The following RPP38 variants were observed in gnomAD, a reference collection of about 807,000 sequenced individuals.
RPP38 encodes ribonuclease P/MRP subunit p38.
A neutral mutation model predicts 1.7 loss-of-function variants in RPP38; 2 were observed. That is an observed-to-expected ratio of 1.18 (90% CI 0.48 to 3.70). The LOEUF (loss-of-function observed/expected upper bound fraction) is 3.70, where lower values mean the gene tolerates loss of function less well. Among genes scored for constraint, RPP38 ranks in the 30% most tolerant of loss-of-function variants. RPP38 has a pLI of 0.07. For missense variants in RPP38, 358 were observed against 340.1 expected (o/e 1.05, Z -0.41); for synonymous variants, 151 against 131.8 (o/e 1.15, Z -1.00).
Position 15,104,107 on chromosome 10 carries a change from A to T in RPP38, c.793A>T (p.Ile265Phe). 6.3e-7 allele frequency: 1 copy of T among 1,596,142 alleles called. No individual in the cohort carries two copies. The highest frequency in any genetic ancestry group is 8.5e-7 in the Non-Finnish European group (1 of 1,175,582). Residue 265 changes from isoleucine (I) to phenylalanine (F), a missense_variant, in exon 3 of 3, where the codon ATT becomes TTT. Transcript: ENST00000378197. ...ACAACCCCTTAAAATAAAGAAACTG[A>T]TTCCAAACCCTAATAAGATAAGGAA... ...TLQPLKIKKL[I>F]PNPNKIRKPP...
In RPP38 at chr10:15,097,563, C is replaced by G. The variant is rs992805689; in HGVS notation, c.-333C>G. 3.9e-5 allele frequency: 6 copies of G among 152,280 alleles called. No individual in the cohort carries two copies. The highest frequency in any genetic ancestry group is 1.2e-4 in the African/African-American group (5 of 41,472). 9.4% of individuals were successfully genotyped at this position (152,280 alleles called of 1,614,324 possible). On this transcript the variant is annotated 5_prime_UTR_variant, in exon 1 of 3. Coordinates refer to ENST00000378197, the MANE Select transcript of RPP38 (RefSeq NM_183005.5). ...GTGGCCGCAGGACCCGCCGCCCTCC[C>G]GGTTGGGCCGCCCAGTCCCGGGCCG...
rs375720494 is a variant in RPP38 at position 15,103,778 on chromosome 10, G to T, written c.464G>T (p.Ser155Ile). Residue 155 changes from serine (S) to isoleucine (I), a missense_variant, in exon 3 of 3, where the codon AGT (serine) becomes ATT (isoleucine). Ser to Ile is a moderately radical substitution (Grantham distance 142). Transcript: ENST00000378197. The part of the protein sequence containing the change: ...SHLIQLSLSR[S>I]VPACQVPRLS... ...TTGATTCAGTTAAGCCTAAGCAGAA[G>T]TGTCCCTGCCTGTCAGGTCCCCCGG... 1 of 1,614,018 alleles carries T rather than the reference G, an allele frequency of 6.2e-7. No homozygotes were observed. The highest frequency in any genetic ancestry group is 2.2e-5 in the East Asian group (1 of 44,878).
intron 2 of RPP38, chr10:15,102,862 TTA>T (rs1181937389): frequency 6.5e-6 from 1 of 153,136 alleles, no homozygotes; most frequent in Non-Finnish European, 1.5e-5. Context: ...CTAATTGGAC[TTA>T]TATAATCAGG....
Position 15,100,865 on chromosome 10 carries a change from T to G in RPP38, c.-129-1353T>G, listed in dbSNP as rs539297633. The stretch of plus-strand genomic sequence containing the variant: ...TGGCTAATTTTTTTGTATTTTTTAG[T>G]AGAGACGGGATTTCGCCATATTGGC... On this transcript the variant is annotated intron_variant, in intron 1 of 2. Transcript: ENST00000378197. Among the ~76,000 whole-genome samples the G allele has an allele frequency of 1.2e-4, 19 of 152,280 alleles. No individual in the cohort carries two copies. The South Asian group carries it at 3.1e-3, about 25-fold the overall frequency.
Position 15,103,390 on chromosome 10 carries a change from AACAACCCAT to A in RPP38, c.80_88del (p.Asn27_Tyr29del). 1 of 1,613,920 alleles carries A rather than the reference AACAACCCAT, an allele frequency of 6.2e-7. No individual in the cohort carries two copies. The highest frequency in any genetic ancestry group is 8.5e-7 in the Non-Finnish European group (1 of 1,179,942). ...ACCTCTGGTTGTGAAGACGTCGTTG[AACAACCCAT>A]ACATCATCCGCTGGAGCGCTCTGGA... On this transcript the variant is annotated inframe_deletion, in exon 3 of 3. Coordinates refer to ENST00000378197, the MANE Select transcript of RPP38 (RefSeq NM_183005.5).
chr10:15,102,233 T>C lies in RPP38; in HGVS notation c.-114T>C, dbSNP rs1302113770. The C allele has an allele frequency of 2.0e-5, 3 of 150,212 alleles. No individual in the cohort carries two copies. The highest frequency in any genetic ancestry group is 7.4e-5 in the African/African-American group (3 of 40,484). 9.3% of individuals were successfully genotyped at this position (150,212 alleles called of 1,614,324 possible). A position where few individuals can be genotyped will look rare whatever the true frequency, so the allele number is the denominator to read the frequency against. On this transcript the variant is annotated 5_prime_UTR_variant, in exon 2 of 3. Transcript: ENST00000378197. ...TTTTTTGCAGACAGGGTCAGATGTG[T>C]TACTGGGCTGGAGTGTGGTGGCACA...
chr10:15,098,548 C>A (rs1845018167), intron 1 of RPP38, among the ~76,000 whole-genome samples: 1 of 150,908 alleles, frequency 6.6e-6, no homozygotes, highest in Admixed American at 6.6e-5. Context: ...ACTGAGATAC[C>A]TTTCTTTACT....
In RPP38 at chr10:15,103,320, T is replaced by G. The variant is rs1845175181; in HGVS notation, c.6T>G (p.Ala2=). M[A]AAPQAPGRGS... is the part of the protein sequence containing the mutation. ...TTCTTGGAAGGATTTTCAAAATGGCTGCAGCTCCTCAAGCACCGGGGCGGG... is the reference window on the plus strand; with the variant it reads ...TTCTTGGAAGGATTTTCAAAATGGCGGCAGCTCCTCAAGCACCGGGGCGGG... Residue 2 remains alanine (A), a synonymous_variant, in exon 3 of 3, where the codon GCT becomes GCG. Transcript: ENST00000378197. 6 of 1,567,298 alleles carry G rather than the reference T, an allele frequency of 3.8e-6. No homozygotes were observed. The African/African-American group carries it at 5.5e-5, about 14-fold the overall frequency.
At chr10:15,099,035 T>A (rs1201807290) in intron 1 of RPP38, among the ~76,000 whole-genome samples, 3 of 145,888 alleles carry the variant, frequency 2.1e-5, no homozygotes, top group Admixed American at 2.0e-4. Context: ...CTTGCTAATA[T>A]TTTTTCCTCG....
In RPP38 at chr10:15,103,852, T is replaced by G. The variant is rs752628175; in HGVS notation, c.538T>G (p.Leu180Val). Residue 180 changes from leucine to valine, a missense_variant, in exon 3 of 3, where the codon TTG becomes GTG. Coordinates refer to ENST00000378197, the MANE Select transcript of RPP38 (RefSeq NM_183005.5). The part of the protein sequence containing the change: ...PVIGLKCVLA[L>V]AFKKNTTDFV... ...CATTGGCTTAAAATGTGTTCTAGCC[T>G]TGGCGTTCAAAAAGAACACCACTGA... is the stretch of plus-strand genomic sequence containing the variant. 1.2e-6 allele frequency: 2 copies of G among 1,614,142 alleles called. No homozygotes were observed. The highest frequency in any genetic ancestry group is 2.2e-5 in the East Asian group (1 of 44,880).
intron 1 of RPP38, among the ~76,000 whole-genome samples, chr10:15,098,759 G>T (rs1845025467): frequency 6.6e-6 from 1 of 151,472 alleles, no homozygotes; most frequent in Non-Finnish European, 1.5e-5. Flanking sequence ...GATGGCCCGT[G>T]CCTGTAGTCC....
At position 15,100,637 on chromosome 10, in the gene RPP38, A is replaced by G. The variant is rs74545775; in HGVS notation, c.-129-1581A>G. ...GTCCAGTGTGGAAACACCCTGTCCTACACCAGTGGTTCCTGATTCCGGCTC... is the reference window on the plus strand; with the variant it reads ...GTCCAGTGTGGAAACACCCTGTCCTGCACCAGTGGTTCCTGATTCCGGCTC... On this transcript the variant is annotated intron_variant, in intron 1 of 2. Coordinates refer to ENST00000378197, the MANE Select transcript of RPP38 (RefSeq NM_183005.5). Among the ~76,000 whole-genome samples, 550 of 151,340 alleles carry G rather than the reference A, an allele frequency of 3.6e-3. 4 individuals carry two copies. The highest frequency in any genetic ancestry group is 0.012 in the African/African-American group (484 of 41,208).
chr10:15,101,750 C>T (rs149191930), intron 1 of RPP38, among the ~76,000 whole-genome samples: 3,100 of 152,104 alleles, frequency 0.02, 59 homozygotes, highest in Middle Eastern at 0.065. Context: ...ATTAGCCAGG[C>T]GTGGTGTTGG....
In RPP38 at chr10:15,103,694, G is replaced by C. The variant is rs774481311; in HGVS notation, c.380G>C (p.Arg127Thr). Residue 127 changes from arginine (R) to threonine (T), a missense_variant, in exon 3 of 3, where the codon AGG becomes ACG. Coordinates refer to ENST00000378197, the MANE Select transcript of RPP38 (RefSeq NM_183005.5). Reference protein sequence around the residue: ...VNEVTRALERRELLLVLVCKS... With the variant: ...VNEVTRALERTELLLVLVCKS... ...GAAGTTACCAGAGCCCTGGAAAGGA[G>C]GGAACTGCTGTTAGTTCTGGTGTGT... 7 of 1,614,038 alleles carry C rather than the reference G, an allele frequency of 4.3e-6. No homozygotes were observed. Among genetic ancestry groups the C allele is most frequent in the Non-Finnish European group, 5.9e-6 (7 of 1,180,032 alleles).
chr10:15,101,910 G>T (rs1421268757), intron 1 of RPP38, among the ~76,000 whole-genome samples: 1 of 152,140 alleles, frequency 6.6e-6, no homozygotes, highest in South Asian at 2.1e-4. Context: ...AAAAAAGGGA[G>T]TGTATGCCTG....
intron 1 of RPP38, among the ~76,000 whole-genome samples, chr10:15,098,190 A>G (rs1043288445): frequency 1.4e-5 from 2 of 147,246 alleles, no homozygotes; most frequent in Non-Finnish European, 3.0e-5. Flanking sequence ...TTTCTCTAGC[A>G]TCTCTGCCCC....
At position 15,103,915 on chromosome 10, in the gene RPP38, C is replaced by T; in HGVS notation, c.601C>T (p.Pro201Ser). ...AGTAAGAGCCATCATCCCCAGAGTC[C>T]CCAGTTTAAGTGTACCATGGCTTCA... ...DEVRAIIPRVPSLSVPWLQDR... is the reference protein window; with the variant it reads ...DEVRAIIPRVSSLSVPWLQDR... The change falls in exon 3 of 3, where the codon CCC becomes TCC. Residue 201 changes from proline (P) to serine (S), a missense_variant. Physicochemically the swap from Pro to Ser is moderately conservative, Grantham distance 74. Coordinates refer to ENST00000378197, the MANE Select transcript of RPP38 (RefSeq NM_183005.5). The T allele has an allele frequency of 6.2e-7, 1 of 1,614,042 alleles. No individual in the cohort carries two copies. The highest frequency in any genetic ancestry group is 1.3e-5 in the African/African-American group (1 of 74,976).
At position 15,103,307 on chromosome 10, in the gene RPP38, T is replaced by C. The variant is rs1564548948; in HGVS notation, c.-8T>C. On this transcript the variant is annotated splice_region_variant and 5_prime_UTR_variant, in exon 3 of 3. Transcript: ENST00000378197. ...GTTGTCATTTTGCTTCTTGGAAGGA[T>C]TTTCAAAATGGCTGCAGCTCCTCAA... The C allele has an allele frequency of 9.0e-6, 14 of 1,558,784 alleles. No individual in the cohort carries two copies. Among genetic ancestry groups the C allele is most frequent in the Non-Finnish European group, 1.2e-5 (14 of 1,156,740 alleles).
At chr10:15,102,193 C>A (rs1845126891) in intron 1 of RPP38, 25 bp from the exon 2 acceptor site, 1 of 122,950 alleles carries the variant, frequency 8.1e-6, no homozygotes, top group East Asian at 2.1e-4. Context: ...GTGCTCAGAT[C>A]ATTTTTTTTT....
Sources: gnomAD v4.1 joint callset for allele counts (sites outside exome capture counted in the v4.1 genomes callset) on GRCh38, gnomAD v4.1.1 for gene constraint, MANE v1.5 for transcripts, NCBI Gene and HGNC (gene_info 2026-07-23, HGNC 2026-07-21) for gene names.